Variants in ATP1B3 observed in about 807,000 individuals in gnomAD.
ATP1B3 encodes ATPase Na+/K+ transporting subunit beta 3.
In ATP1B3, 10 loss-of-function variants were observed where a neutral mutation model predicts 30.2. That is an observed-to-expected ratio of 0.33 (90% confidence interval 0.20 to 0.56). The LOEUF (loss-of-function observed/expected upper bound fraction) is 0.56. ATP1B3 is among the 20% of genes least tolerant of loss of function. ATP1B3 has a pLI of 0.90. For synonymous variants in ATP1B3, 113 were observed against 117.0 expected (o/e 0.97, Z 0.22); for missense variants, 238 against 336.7 (o/e 0.71, Z 2.29).
At chr3:141,895,001 CA>C (rs2107768871) in intron 1 of ATP1B3, among the ~76,000 whole-genome samples, 1 of 152,030 alleles carries the variant, frequency 6.6e-6, no homozygotes, top group East Asian at 1.9e-4. Flanking sequence ...ATCACTAGGC[CA>C]TAGGAATTTT....
chr3:141,904,299 C>T (rs4510361), intron 2 of ATP1B3, among the ~76,000 whole-genome samples: 42,571 of 147,660 alleles, frequency 0.29, 6,756 homozygotes, highest in South Asian at 0.43. Context: ...TTGTTTGTTT[C>T]GGTTTCTTTT....
intron 3 of ATP1B3, among the ~76,000 whole-genome samples, chr3:141,907,605 C>T (rs1218148242): frequency 6.6e-6 from 1 of 151,636 alleles, no homozygotes; most frequent in East Asian, 1.9e-4. Context: ...TGCGCCATTG[C>T]ACTCCAGCCT....
chr3:141,896,569 T>C (rs1027650224), intron 1 of ATP1B3, among the ~76,000 whole-genome samples: 9 of 152,282 alleles, frequency 5.9e-5, no homozygotes, highest in Middle Eastern at 3.4e-3. Flanking sequence ...GTTCTTCATA[T>C]ATTCTAGATA....
intron 5 of ATP1B3, 69 bp downstream of exon 5, chr3:141,916,089 T>C: frequency 7.2e-7 from 1 of 1,392,312 alleles, no homozygotes; most frequent in Non-Finnish European, 9.9e-7. Flanking sequence ...AGTCTAATGA[T>C]TTAGTCATCT....
At chr3:141,906,058 A>G (rs1203076751) in intron 2 of ATP1B3, among the ~76,000 whole-genome samples, 4 of 151,664 alleles carry the variant, frequency 2.6e-5, no homozygotes, top group Non-Finnish European at 5.9e-5. Flanking sequence ...TGTATATTAT[A>G]TACATATAAT....
At chr3:141,877,084 G>A (rs935439742) in intron 1 of ATP1B3, among the ~76,000 whole-genome samples, 174 bp downstream of exon 1, 3 of 151,032 alleles carry the variant, frequency 2.0e-5, no homozygotes, top group African/African-American at 7.3e-5. Context: ...TCCCCGGGCC[G>A]GCCGGACTGG....
At chr3:141,890,960 C>T (rs1336041732) in intron 1 of ATP1B3, among the ~76,000 whole-genome samples, 1 of 152,178 alleles carries the variant, frequency 6.6e-6, no homozygotes, top group Non-Finnish European at 1.5e-5. Context: ...TTTATGGACT[C>T]ATCTTTTTGT....
chr3:141,915,841 T>C (rs1934452599), intron 4 of ATP1B3, 129 bp from the exon 5 acceptor site: 2 of 502,910 alleles, frequency 4.0e-6, no homozygotes, highest in East Asian at 6.2e-5. Context: ...AAGATTAAAG[T>C]AAAAGGCAGA....
At chr3:141,915,874 C>T (rs1024745692) in intron 4 of ATP1B3, 96 bp from the exon 5 acceptor site, 2 of 867,896 alleles carry the variant, frequency 2.3e-6, no homozygotes, top group Non-Finnish European at 3.6e-6. Context: ...TGGTGTTAAT[C>T]TCAAAGTCTT....
At chr3:141,906,965 T>A (rs1197002834) in intron 2 of ATP1B3, among the ~76,000 whole-genome samples, 2 of 152,232 alleles carry the variant, frequency 1.3e-5, no homozygotes. Context: ...ATCGGTAATG[T>A]CTGAGATGGT....
intron 1 of ATP1B3, among the ~76,000 whole-genome samples, chr3:141,888,214 A>G (rs12486398): frequency 0.11 from 16,388 of 152,228 alleles, 1,082 homozygotes; most frequent in Middle Eastern, 0.16. Flanking sequence ...TTTTCTGTGC[A>G]TGGGTAAACA....
At chr3:141,878,388 TA>T (rs1372772686) in intron 1 of ATP1B3, among the ~76,000 whole-genome samples, 1 of 152,252 alleles carries the variant, frequency 6.6e-6, no homozygotes, top group African/African-American at 2.4e-5. Flanking sequence ...GATGAACATT[TA>T]TAAAGCTTAA....
At chr3:141,918,468 G>C (rs544883576) in intron 5 of ATP1B3, 1 of 149,056 alleles carries the variant, frequency 6.7e-6, no homozygotes, top group Non-Finnish European at 1.5e-5. Context: ...TTTTTGAGAC[G>C]GAGTCTCTCT....
At chr3:141,912,363 TCTC>T (rs1443086488) in intron 3 of ATP1B3, among the ~76,000 whole-genome samples, 1 of 152,096 alleles carries the variant, frequency 6.6e-6, no homozygotes, top group Non-Finnish European at 1.5e-5. Context: ...TTCAAGCGAT[TCTC>T]CTGCCTCAGT....
intron 1 of ATP1B3, among the ~76,000 whole-genome samples, chr3:141,890,086 C>A (rs991001960): frequency 1.9e-5 from 2 of 107,528 alleles, no homozygotes; most frequent in Admixed American, 1.0e-4. Flanking sequence ...AATTTTTTTT[C>A]TTTTTTTTTT....
At chr3:141,877,227 A>ACCCCTTCCCGAAGCCGGGCC (rs1553742991) in intron 1 of ATP1B3, among the ~76,000 whole-genome samples, 1 of 150,506 alleles carries the variant, frequency 6.6e-6, no homozygotes, top group Non-Finnish European at 1.5e-5. Context: ...GAAGCCGGGG[A>ACCCCTTCCCGAAGCCGGGCC]CCCCTGCCCG....
intron 1 of ATP1B3, among the ~76,000 whole-genome samples, chr3:141,899,315 A>C (rs983138031): frequency 6.6e-6 from 1 of 152,248 alleles, no homozygotes; most frequent in African/African-American, 2.4e-5. Flanking sequence ...GAAATTATAC[A>C]TGTCTCTGCT....
chr3:141,925,721 CAG>C lies in ATP1B3; in HGVS notation c.*23_*24del. The C allele has an allele frequency of 6.2e-7, 1 of 1,601,824 alleles. No individual in the cohort carries two copies. Among genetic ancestry groups the C allele is most frequent in the Non-Finnish European group, 8.5e-7 (1 of 1,175,132 alleles). ...GCATAGTATGAGTAGGATATCTCCA[CAG>C]AGTAAATGTTGTGTTGTCTGTCTTC... On this transcript the variant is annotated 3_prime_UTR_variant, in exon 7 of 7. Transcript: ENST00000286371.
intron 5 of ATP1B3, among the ~76,000 whole-genome samples, chr3:141,917,736 A>T (rs1934491922): frequency 6.6e-6 from 1 of 151,346 alleles, no homozygotes; most frequent in South Asian, 2.1e-4. Flanking sequence ...CAGATACCAC[A>T]TCTAAGCTGA....
Sources: allele counts gnomAD v4.1 joint callset (sites outside exome capture counted in the v4.1 genomes callset), GRCh38; gene constraint gnomAD v4.1.1; transcripts MANE v1.5; gene names NCBI Gene and HGNC (gene_info 2026-07-23, HGNC 2026-07-21).